The following TRIM71 variants were observed in gnomAD, a reference collection of about 807,000 sequenced individuals.
The protein encoded by TRIM71 is E3 ubiquitin-protein ligase TRIM71.
A neutral mutation model predicts 61.2 loss-of-function variants in TRIM71; 9 were observed. The observed-to-expected ratio is 0.15, with a 90% CI of 0.09 to 0.26. The LOEUF (loss-of-function observed/expected upper bound fraction) is 0.26. Among genes scored for constraint, TRIM71 ranks in the 10% least tolerant of loss-of-function variants. The probability of loss-of-function intolerance (pLI) is 1.00; values close to 1 mark genes in which losing one functional copy is unlikely to be tolerated. For synonymous variants in TRIM71, 645 were observed against 553.2 expected, an observed-to-expected ratio of 1.17 and a Z score of -2.33; for missense variants, 998 against 1,238.7, an observed-to-expected ratio of 0.81 and a Z score of 2.92.
chr3:32,885,777 C>CAGGGA (rs1377617641), intron 2 of TRIM71, among the ~76,000 whole-genome samples, 157 bp from the exon 3 acceptor site: 3 of 152,234 alleles, frequency 2.0e-5, no homozygotes, highest in Non-Finnish European at 4.4e-5. Context: ...ATGCCAGTCT[C>CAGGGA]TCCCTAAGTG....
In TRIM71 at chr3:32,894,029, C is replaced by G. The variant is rs937041905; in HGVS notation, c.*2218C>G. On this transcript the variant is annotated 3_prime_UTR_variant, in exon 4 of 4. Transcript: ENST00000383763. ...TTACTGTAGAATTTAATAGTGAATC[C>G]TTCCCCAATGCCTATTCAGTTGCCT... 2 of 152,162 alleles carry G rather than the reference C, an allele frequency of 1.3e-5. No individual in the cohort carries two copies. The highest frequency in any genetic ancestry group is 4.8e-5 in the African/African-American group (2 of 41,436). 9.4% of individuals were successfully genotyped at this position (152,162 alleles called of 1,614,324 possible).
At chr3:32,869,881 G>A (rs181403115) in intron 1 of TRIM71, among the ~76,000 whole-genome samples, 129 of 152,316 alleles carry the variant, frequency 8.5e-4, no homozygotes, top group East Asian at 2.9e-3. Flanking sequence ...CGCCAGGCCC[G>A]AGGGGGCGTG....
At chr3:32,887,197 G>T (rs1378197339) in intron 3 of TRIM71, among the ~76,000 whole-genome samples, 1 of 152,090 alleles carries the variant, frequency 6.6e-6, no homozygotes, top group Non-Finnish European at 1.5e-5. Flanking sequence ...TTTGTGTGTG[G>T]GGGTTTCTGC....
At chr3:32,847,260 A>G (rs1469156606) in intron 1 of TRIM71, among the ~76,000 whole-genome samples, 1 of 146,702 alleles carries the variant, frequency 6.8e-6, no homozygotes, top group Non-Finnish European at 1.5e-5. Flanking sequence ...GCAATGGCGC[A>G]ATCTCAGCAC....
At chr3:32,888,298 C>A (rs1447756732) in intron 3 of TRIM71, among the ~76,000 whole-genome samples, 1 of 151,858 alleles carries the variant, frequency 6.6e-6, no homozygotes, top group Non-Finnish European at 1.5e-5. Flanking sequence ...TCTTAAAATA[C>A]AGAAGTAAAG....
At chr3:32,867,977 T>C (rs561151912) in intron 1 of TRIM71, among the ~76,000 whole-genome samples, 1 of 152,200 alleles carries the variant, frequency 6.6e-6, no homozygotes, top group South Asian at 2.1e-4. Flanking sequence ...TCCTTCAATT[T>C]CTAGAGATAC....
At chr3:32,839,130 A>G (rs1469833768) in intron 1 of TRIM71, among the ~76,000 whole-genome samples, 1 of 152,028 alleles carries the variant, frequency 6.6e-6, no homozygotes, top group Non-Finnish European at 1.5e-5. Flanking sequence ...AGGACATTTC[A>G]CTTCAGGGGT....
chr3:32,847,321 C>T (rs1451791564), intron 1 of TRIM71, among the ~76,000 whole-genome samples: 3 of 152,106 alleles, frequency 2.0e-5, no homozygotes, highest in South Asian at 2.1e-4. Context: ...CTCCACCTCC[C>T]GAGTAGCTGG....
chr3:32,888,182 G>A (rs539947737), intron 3 of TRIM71, among the ~76,000 whole-genome samples: 1 of 152,264 alleles, frequency 6.6e-6, no homozygotes, highest in African/African-American at 2.4e-5. Context: ...TAGCATTTTA[G>A]ATTTAAAGGG....
intron 1 of TRIM71, among the ~76,000 whole-genome samples, chr3:32,831,175 A>G (rs1444599268): frequency 6.6e-6 from 1 of 152,126 alleles, no homozygotes; most frequent in Admixed American, 6.6e-5. Context: ...TTTGGAGATG[A>G]AAGGGGAAGA....
At chr3:32,822,536 A>C (rs1016648651) in intron 1 of TRIM71, among the ~76,000 whole-genome samples, 10 of 152,146 alleles carry the variant, frequency 6.6e-5, no homozygotes, top group African/African-American at 2.4e-4. Flanking sequence ...TGTTTTGTAT[A>C]TTTTAAGTCA....
chr3:32,825,339 A>C (rs1374564370), intron 1 of TRIM71, among the ~76,000 whole-genome samples: 1 of 152,130 alleles, frequency 6.6e-6, no homozygotes, highest in Non-Finnish European at 1.5e-5. Flanking sequence ...TGCCAGGGTA[A>C]AACGTGTTTA....
intron 2 of TRIM71, among the ~76,000 whole-genome samples, chr3:32,881,411 C>CTGACCGTT (rs913233838): frequency 6.6e-6 from 1 of 152,186 alleles, no homozygotes; most frequent in African/African-American, 2.4e-5. Context: ...CTCTTACCTT[C>CTGACCGTT]TGACCGTTGG....
In TRIM71 at chr3:32,890,752, C is replaced by T. The variant is rs761067418; in HGVS notation, c.1548C>T (p.Pro516=). 14 of 1,614,064 alleles carry T rather than the reference C, an allele frequency of 8.7e-6. No homozygotes were observed. The East Asian group carries it at 3.1e-4, about 36-fold the overall frequency. ...TVIGYDHDGE[P]RLSGGDLMSA... ...TTGGTTATGACCACGATGGTGAGCCCCGCCTCTCAGGAGGCGACCTGATGT... is the reference window on the plus strand; with the variant it reads ...TTGGTTATGACCACGATGGTGAGCCTCGCCTCTCAGGAGGCGACCTGATGT... The change falls in exon 4 of 4, where the codon CCC becomes CCT. Residue 516 remains proline, a synonymous_variant. Coordinates refer to ENST00000383763, the MANE Select transcript of TRIM71 (RefSeq NM_001039111.3). The surrounding 1 kb of genome is among the most constrained non-coding windows in gnomAD (Gnocchi z 6.2).
chr3:32,873,309 A>T (rs1243603141), intron 1 of TRIM71, among the ~76,000 whole-genome samples: 2 of 152,164 alleles, frequency 1.3e-5, no homozygotes, highest in Non-Finnish European at 2.9e-5. Flanking sequence ...TGCACTTTGC[A>T]TTACTACCTG....
chr3:32,882,182 T>C (rs1457285862), intron 2 of TRIM71, among the ~76,000 whole-genome samples: 1 of 152,072 alleles, frequency 6.6e-6, no homozygotes, highest in Non-Finnish European at 1.5e-5. Flanking sequence ...GCTGGGTCTT[T>C]TTTTTTCTTC....
chr3:32,896,884 GTTCT>G lies in TRIM71; in HGVS notation c.*5076_*5079del, dbSNP rs1697083714. 6.6e-6 allele frequency: 1 copy of G among 152,200 alleles called. No individual in the cohort carries two copies. The allele number at this position is 152,200 out of a possible 1,614,324, so 9.4% of individuals were successfully genotyped here. A position where few individuals can be genotyped will look rare whatever the true frequency, so the allele number is the denominator to read the frequency against. ...AATAACCAGCTCTGTAACTCTGTAA[GTTCT>G]TTGTGTTTCTAGCAGTCTGTGTAGT... On this transcript the variant is annotated 3_prime_UTR_variant, in exon 4 of 4. Coordinates refer to ENST00000383763, the MANE Select transcript of TRIM71 (RefSeq NM_001039111.3).
At chr3:32,871,493 T>C (rs1696794440) in intron 1 of TRIM71, among the ~76,000 whole-genome samples, 1 of 152,188 alleles carries the variant, frequency 6.6e-6, no homozygotes, top group Non-Finnish European at 1.5e-5. Context: ...ACACTTCACA[T>C]CAGCATAGGA....
chr3:32,859,421 G>A (rs775779927), intron 1 of TRIM71, among the ~76,000 whole-genome samples: 3 of 151,844 alleles, frequency 2.0e-5, no homozygotes, highest in Non-Finnish European at 4.4e-5. Flanking sequence ...CAACATGCCT[G>A]GCTAATTGTG....
Sources: gnomAD v4.1 joint callset for allele counts (sites outside exome capture counted in the v4.1 genomes callset) on GRCh38, gnomAD v4.1.1 for gene constraint, Gnocchi (gnomAD v3.1) non-coding constraint, MANE v1.5 for transcripts, NCBI Gene and HGNC (gene_info 2026-07-23, HGNC 2026-07-21) for gene names.